The following ZNF827 variants were observed in gnomAD, a reference collection of about 807,000 sequenced individuals.
ZNF827 encodes the protein zinc finger protein 827.
A neutral mutation model predicts 102.4 loss-of-function variants in ZNF827; 13 were observed. The observed-to-expected ratio is 0.13, with a 90% CI of 0.08 to 0.20. The LOEUF (loss-of-function observed/expected upper bound fraction) is 0.20. Among genes scored for constraint, ZNF827 ranks in the 10% least tolerant of loss-of-function variants. The pLI is 1.00. For missense variants in ZNF827, 1,103 were observed against 1,344.4 expected (o/e 0.82, Z 2.81); for synonymous variants, 523 against 536.2 (o/e 0.98, Z 0.34).
chr4:145,778,426 G>T (rs1355099389), intron 9 of ZNF827, among the ~76,000 whole-genome samples: 1 of 152,124 alleles, frequency 6.6e-6, no homozygotes, highest in Non-Finnish European at 1.5e-5. Flanking sequence ...GAGCCATCGC[G>T]CCCGACAACA....
At chr4:145,927,459 A>G (rs1753510363) in intron 1 of ZNF827, among the ~76,000 whole-genome samples, 2 of 152,248 alleles carry the variant, frequency 1.3e-5, no homozygotes, top group African/African-American at 4.8e-5. Context: ...GTTAGAAGGA[A>G]GATACATTTG....
chr4:145,888,306 C>T (rs1443825154), intron 3 of ZNF827, among the ~76,000 whole-genome samples: 1 of 152,160 alleles, frequency 6.6e-6, no homozygotes, highest in Non-Finnish European at 1.5e-5. Flanking sequence ...CATTCGAGCA[C>T]TTTTCTGTCA....
intron 8 of ZNF827, among the ~76,000 whole-genome samples, chr4:145,814,142 T>C (rs1742331010): frequency 6.6e-6 from 1 of 152,194 alleles, no homozygotes; most frequent in Admixed American, 6.5e-5. Flanking sequence ...GAATTTGGGA[T>C]GCTCATCCAG....
At chr4:145,933,656 A>G (rs527389699) in intron 1 of ZNF827, among the ~76,000 whole-genome samples, 2 of 152,318 alleles carry the variant, frequency 1.3e-5, no homozygotes, top group African/African-American at 4.8e-5. Flanking sequence ...TGCTTTATTA[A>G]CTTTTCCTTT....
Position 145,892,261 on chromosome 4 carries a change from A to G in ZNF827, c.1248T>C (p.Asn416=). Residue 416 remains asparagine, a synonymous_variant, in exon 3 of 15, where the codon AAT becomes AAC. Coordinates refer to ENST00000508784, the MANE Select transcript of ZNF827 (RefSeq NM_001306215.2). ...LCPFRCARKD[N]LKSHMKVHQH... ...GGCTTACCTTCATGTGGGATTTGAG[A>G]TTGTCCTTGCGAGCACACCGGAATG... 2 of 1,610,070 alleles carry G rather than the reference A, an allele frequency of 1.2e-6. No individual in the cohort carries two copies. The highest frequency in any genetic ancestry group is 1.7e-6 in the Non-Finnish European group (2 of 1,177,560).
intron 1 of ZNF827, among the ~76,000 whole-genome samples, chr4:145,904,975 T>C (rs941833053): frequency 6.6e-6 from 1 of 152,198 alleles, no homozygotes; most frequent in African/African-American, 2.4e-5. Context: ...CAGGTGGGGA[T>C]TATGAAGGCT....
chr4:145,920,142 C>A (rs1752956036), intron 1 of ZNF827, among the ~76,000 whole-genome samples: 1 of 152,188 alleles, frequency 6.6e-6, no homozygotes, highest in Non-Finnish European at 1.5e-5. Flanking sequence ...TCCCAGGCAC[C>A]TAGAAATCTC....
Position 145,765,125 on chromosome 4 carries a change from C to T in ZNF827, c.3093G>A (p.Lys1031=). Residue 1031 remains lysine (K), a synonymous_variant, in exon 13 of 15, where the codon AAG becomes AAA. Coordinates refer to ENST00000508784, the MANE Select transcript of ZNF827 (RefSeq NM_001306215.2). This position sits in a 1 kb window ranked among gnomAD's most constrained non-coding sequence, Gnocchi z 4.7. ...CVFCNFVCKT[K]NMFERHLQIH... ...TCTGCAGATGACGCTCAAACATGTT[C>T]TTCGTCTTGCAGACAAAGTTGCAAA... The T allele has an allele frequency of 6.2e-7, 1 of 1,613,736 alleles. No homozygotes were observed. Among genetic ancestry groups the T allele is most frequent in the Non-Finnish European group, 8.5e-7 (1 of 1,179,830 alleles).
intron 5 of ZNF827, among the ~76,000 whole-genome samples, chr4:145,856,759 G>C (rs978037330): frequency 7.2e-6 from 1 of 138,780 alleles, no homozygotes; most frequent in Non-Finnish European, 1.5e-5. Flanking sequence ...GGAAAACTGA[G>C]CAAACCACGA....
intron 8 of ZNF827, among the ~76,000 whole-genome samples, chr4:145,804,736 G>A (rs1440490939): frequency 2.6e-5 from 4 of 152,130 alleles, no homozygotes; most frequent in African/African-American, 9.7e-5. Flanking sequence ...CTAAGTAAGG[G>A]AGGCAAATAA....
At chr4:145,798,553 C>G (rs541392570) in intron 8 of ZNF827, among the ~76,000 whole-genome samples, 29 of 152,148 alleles carry the variant, frequency 1.9e-4, no homozygotes, top group African/African-American at 7.0e-4. Flanking sequence ...GTATTCCTGG[C>G]TACTTGGGAG....
intron 5 of ZNF827, among the ~76,000 whole-genome samples, chr4:145,853,527 C>G (rs1275443316): frequency 6.6e-6 from 1 of 151,956 alleles, no homozygotes; most frequent in Non-Finnish European, 1.5e-5. Flanking sequence ...CTGCAAGGAG[C>G]TATCATTGTG....
chr4:145,859,777 A>G (rs919835888), intron 5 of ZNF827, among the ~76,000 whole-genome samples: 2 of 152,172 alleles, frequency 1.3e-5, no homozygotes, highest in African/African-American at 2.4e-5. Context: ...TACACTGGAT[A>G]GCGAGACCCT....
chr4:145,936,245 A>G (rs1754161405), intron 1 of ZNF827, among the ~76,000 whole-genome samples: 1 of 151,402 alleles, frequency 6.6e-6, no homozygotes, highest in African/African-American at 2.4e-5. Context: ...TCTTCCACCA[A>G]CTGCTGCGAG....
intron 8 of ZNF827, among the ~76,000 whole-genome samples, chr4:145,791,501 A>G (rs1030089105): frequency 6.6e-6 from 1 of 152,210 alleles, no homozygotes; most frequent in East Asian, 1.9e-4. Flanking sequence ...CTGTGAACGT[A>G]TGTCATAATG....
At chr4:145,779,035 A>G (rs1224896747) in intron 9 of ZNF827, among the ~76,000 whole-genome samples, 2 of 152,160 alleles carry the variant, frequency 1.3e-5, no homozygotes, top group Non-Finnish European at 2.9e-5. Context: ...ACCCACAACA[A>G]TAAGATAAAA....
At chr4:145,803,026 ACTAT>A (rs1741067035) in intron 8 of ZNF827, among the ~76,000 whole-genome samples, 1 of 152,106 alleles carries the variant, frequency 6.6e-6, no homozygotes. Flanking sequence ...GTTACCTGTA[ACTAT>A]CTATCCTCTC....
intron 1 of ZNF827, among the ~76,000 whole-genome samples, chr4:145,921,613 C>T (rs764997150): frequency 2.0e-5 from 3 of 151,286 alleles, no homozygotes; most frequent in Non-Finnish European, 4.4e-5. Flanking sequence ...ACCAACAAAA[C>T]TGGGTGGGGA....
At chr4:145,829,272 A>G (rs1333452742) in intron 7 of ZNF827, among the ~76,000 whole-genome samples, 1 of 152,220 alleles carries the variant, frequency 6.6e-6, no homozygotes, top group African/African-American at 2.4e-5. Flanking sequence ...TGGAACTCAG[A>G]AGGGACTAGA....
Sources: allele counts gnomAD v4.1 joint callset (sites outside exome capture counted in the v4.1 genomes callset), GRCh38; gene constraint gnomAD v4.1.1; non-coding constraint Gnocchi (gnomAD v3.1); transcripts MANE v1.5; gene names NCBI Gene and HGNC (gene_info 2026-07-23, HGNC 2026-07-21).